Variants in GOLGA3 observed in about 807,000 individuals in gnomAD.
GOLGA3 encodes golgin subfamily A member 3.
A neutral mutation model predicts 169.4 loss-of-function variants in GOLGA3; 75 were observed. The ratio of observed to expected loss-of-function variants is 0.44; its 90% confidence interval spans 0.37 to 0.54. The LOEUF (loss-of-function observed/expected upper bound fraction) is 0.54. Among genes scored for constraint, GOLGA3 ranks in the 20% least tolerant of loss-of-function variants. GOLGA3 has a pLI of 0.00. For missense variants in GOLGA3, 1,899 were observed against 1,930.0 expected (o/e 0.98, Z 0.30); for synonymous variants, 824 against 822.4 (o/e 1.00, Z -0.03).
Position 132,782,357 on chromosome 12 carries a change from T to G in GOLGA3, c.3404A>C (p.Asn1135Thr). 6.2e-7 allele frequency: 1 copy of G among 1,614,224 alleles called. No individual in the cohort carries two copies. The highest frequency in any genetic ancestry group is 8.5e-7 in the Non-Finnish European group (1 of 1,180,032). ...GGCCAAAGCTGTTTCTAGGATGCTG[T>G]TGTGTTCCCGCAGAGCTGCGTTGGA... ...GQSNAALREH[N>T]SILETALAKR... The change falls in exon 17 of 24, where the codon AAC (asparagine) becomes ACC (threonine). Residue 1135 changes from asparagine (N) to threonine (T), a missense_variant. By Grantham distance (65) the Asn-to-Thr change is moderately conservative. Transcript: ENST00000450791.
chr12:132,786,629 T>TCCC, intron 14 of GOLGA3, 64 bp downstream of exon 14: 3 of 1,059,322 alleles, frequency 2.8e-6, no homozygotes, highest in Non-Finnish European at 2.6e-6. Flanking sequence ...CTGGTTCGCC[T>TCCC]CCCCCCCGGC....
intron 4 of GOLGA3, among the ~76,000 whole-genome samples, chr12:132,808,961 G>A (rs2136624264): frequency 6.6e-6 from 1 of 152,322 alleles, no homozygotes; most frequent in Non-Finnish European, 1.5e-5. Context: ...TGGGCCTGGG[G>A]GACCACTACC....
At chr12:132,812,741 C>A (rs892231350) in intron 4 of GOLGA3, among the ~76,000 whole-genome samples, 3 of 152,200 alleles carry the variant, frequency 2.0e-5, no homozygotes, top group Admixed American at 6.5e-5. Flanking sequence ...TCAAATAGCA[C>A]CGCATGTTAC....
At chr12:132,788,394 C>A (rs1294166880) in intron 13 of GOLGA3, among the ~76,000 whole-genome samples, 1 of 152,200 alleles carries the variant, frequency 6.6e-6, no homozygotes, top group East Asian at 1.9e-4. Flanking sequence ...CTCGTCTCAC[C>A]TCCCGGTTCC....
At chr12:132,811,042 G>A (rs4758942) in intron 4 of GOLGA3, among the ~76,000 whole-genome samples, 105,595 of 152,140 alleles carry the variant, frequency 0.69, 36,940 homozygotes, top group East Asian at 0.8. Flanking sequence ...CCAGGCAGGG[G>A]AGGGCCCCCT....
At chr12:132,782,039 C>A (rs1181797196) in intron 17 of GOLGA3, among the ~76,000 whole-genome samples, 1 of 152,152 alleles carries the variant, frequency 6.6e-6, no homozygotes, top group Non-Finnish European at 1.5e-5. Flanking sequence ...CAGCCCTGCA[C>A]CAACAGCTGG....
intron 8 of GOLGA3, 94 bp downstream of exon 8, chr12:132,801,673 T>G: frequency 8.2e-7 from 1 of 1,222,550 alleles, no homozygotes; most frequent in Non-Finnish European, 1.2e-6. Flanking sequence ...AACATGCCTG[T>G]GAACTCTAAA....
intron 3 of GOLGA3, among the ~76,000 whole-genome samples, chr12:132,815,392 G>A (rs898514853): frequency 6.6e-6 from 1 of 152,180 alleles, no homozygotes; most frequent in Non-Finnish European, 1.5e-5. Context: ...ACCTGGGCCA[G>A]AGCTCACACA....
intron 9 of GOLGA3, among the ~76,000 whole-genome samples, 185 bp downstream of exon 9, chr12:132,798,155 C>A (rs1490452487): frequency 1.0e-5 from 1 of 100,224 alleles, no homozygotes; most frequent in African/African-American, 4.1e-5. Context: ...CCATGCTAAG[C>A]CCCCACAGGT....
chr12:132,792,487 G>A (rs1003889780), intron 11 of GOLGA3, among the ~76,000 whole-genome samples: 3 of 152,186 alleles, frequency 2.0e-5, no homozygotes, highest in Non-Finnish European at 2.9e-5. Flanking sequence ...TCCTTGTCCT[G>A]CAAAGTCTGT....
In GOLGA3 at chr12:132,777,752, G is replaced by A. The variant is rs767299808; in HGVS notation, c.3636C>T (p.Ala1212=). ...TCTTCACCTCACTCAGCTCCAAGGA[G>A]GCCGCCTTGAAGTGGCGGCGGTTAT... The part of the protein sequence containing the change: ...AGHNRRHFKA[A]SLELSEVKKE... The change falls in exon 19 of 24, where the codon GCC becomes GCT. Residue 1212 remains alanine (A), a synonymous_variant. Transcript: ENST00000450791. The surrounding 1 kb of genome is among the most constrained non-coding windows in gnomAD (Gnocchi z 4.7). 4.3e-6 allele frequency: 7 copies of A among 1,614,094 alleles called. No individual in the cohort carries two copies. The East Asian group carries it at 1.6e-4, about 36-fold the overall frequency.
Position 132,805,027 on chromosome 12 carries a change from A to T in GOLGA3, c.1291-5T>A. 1 of 1,603,332 alleles carries T rather than the reference A, an allele frequency of 6.2e-7. No individual in the cohort carries two copies. On this transcript the variant is annotated splice_polypyrimidine_tract_variant and splice_region_variant and intron_variant, in intron 6 of 23. Transcript: ENST00000450791. ...CTCAGCCTTCTCTTTAAGTGCCTGAAAAGATCCCAACAACCACAATGATTT... is the reference window on the plus strand; with the variant it reads ...CTCAGCCTTCTCTTTAAGTGCCTGATAAGATCCCAACAACCACAATGATTT...
At chr12:132,782,640 G>A in intron 16 of GOLGA3, 147 bp from the exon 17 acceptor site, 2 of 668,794 alleles carry the variant, frequency 3.0e-6, no homozygotes, top group Non-Finnish European at 5.3e-6. Context: ...ACATTGGGAG[G>A]CCGAGGCAGG....
chr12:132,775,236 G>C lies in GOLGA3; in HGVS notation c.4048C>G (p.Gln1350Glu). The change falls in exon 22 of 24, where the codon CAG (glutamine) becomes GAG (glutamate). Residue 1350 changes from glutamine to glutamate, a missense_variant. Physicochemically the swap from Gln to Glu is conservative, Grantham distance 29 (BLOSUM62 2). Transcript: ENST00000450791. Reference sequence around the variant, plus strand: ...TTCTTCAGCTCCGACACTTTTGCCTGGAGCATAAATTTATCCTTCTGGGTC... The same window carrying C: ...TTCTTCAGCTCCGACACTTTTGCCTCGAGCATAAATTTATCCTTCTGGGTC... ...SMTQKDKFML[Q>E]AKVSELKNNM... 6.2e-7 allele frequency: 1 copy of C among 1,614,006 alleles called. No individual in the cohort carries two copies.
rs141896719 is a variant in GOLGA3, at chr12:132,785,080, A to C, written c.3124-773T>G. 7.6e-3 allele frequency among the ~76,000 whole-genome samples: 1,162 copies of C among 152,348 alleles called. 7 individuals are homozygous for C. Among genetic ancestry groups the C allele is most frequent in the African/African-American group, 0.027 (1,102 of 41,574 alleles). ...GGCCTCATTTTGCTGAGGATCAAAA[A>C]GGTGAGAAATTTGCCAAAAGTCACC... On this transcript the variant is annotated intron_variant, in intron 15 of 23. Coordinates refer to ENST00000450791, the MANE Select transcript of GOLGA3 (RefSeq NM_001389683.1).
rs202095140 is a variant in GOLGA3, at chr12:132,795,858, G to A, written c.2463C>T (p.Ser821=). The change falls in exon 11 of 24, where the codon TCC becomes TCT. Residue 821 remains serine, a synonymous_variant. Transcript: ENST00000450791. Reference sequence around the variant, plus strand: ...ACACAGCAGAATGCATTACCTGGCCGGATTTGATAGCTAATTCTTCTCTTA... The same window carrying A: ...ACACAGCAGAATGCATTACCTGGCCAGATTTGATAGCTAATTCTTCTCTTA... ...EKLREELAIK[S]GQVEHLQQET... is the part of the protein sequence containing the mutation. 3.2e-5 allele frequency: 51 copies of A among 1,611,130 alleles called. No individual in the cohort carries two copies. In the South Asian group the frequency reaches 3.6e-4, roughly 11 times the overall value.
chr12:132,828,826 G>C lies in GOLGA3; in HGVS notation c.-207C>G, dbSNP rs924480212. ...ACCCTGCTGCTCTGGCAGCCCCGGA[G>C]GCCGCCCGGCCCGGATGCTCCGGCG... On this transcript the variant is annotated 5_prime_UTR_variant, in exon 1 of 24. Transcript: ENST00000450791. 1 of 152,110 alleles carries C rather than the reference G, an allele frequency of 6.6e-6. No homozygotes were observed. Among genetic ancestry groups the C allele is most frequent in the African/African-American group, 2.4e-5 (1 of 41,422 alleles). The allele number at this position is 152,110 out of a possible 1,614,324, so 9.4% of individuals were successfully genotyped here.
intron 8 of GOLGA3, among the ~76,000 whole-genome samples, chr12:132,800,402 G>A (rs150783110): frequency 0.019 from 2,906 of 152,176 alleles, 44 homozygotes; most frequent in Middle Eastern, 0.065. Context: ...GCTGAGGCAG[G>A]AGAATCACTT....
chr12:132,780,736 A>G (rs1292370119), intron 18 of GOLGA3, 62 bp downstream of exon 18: 1 of 1,007,322 alleles, frequency 9.9e-7, no homozygotes, highest in East Asian at 2.4e-5. Flanking sequence ...AGGACCCTGC[A>G]TAGATTTCTA....
Sources: allele counts gnomAD v4.1 joint callset (sites outside exome capture counted in the v4.1 genomes callset), GRCh38; gene constraint gnomAD v4.1.1; non-coding constraint Gnocchi (gnomAD v3.1); transcripts MANE v1.5; gene names NCBI Gene and HGNC (gene_info 2026-07-23, HGNC 2026-07-21).